Variants in GABRG2 observed in about 807,000 individuals in gnomAD.
GABRG2 encodes the protein gamma-aminobutyric acid receptor subunit gamma-2.
A neutral mutation model predicts 56.4 loss-of-function variants in GABRG2; 16 were observed. The observed-to-expected ratio is 0.28, with a 90% CI of 0.19 to 0.43. The LOEUF (loss-of-function observed/expected upper bound fraction) is 0.43, where lower values mean the gene tolerates loss of function less well. Among genes scored for constraint, GABRG2 ranks in the 20% least tolerant of loss-of-function variants. GABRG2 has a pLI of 1.00. For synonymous variants in GABRG2, 208 were observed against 205.5 expected, an observed-to-expected ratio of 1.01 and a Z score of -0.10; for missense variants, 327 against 582.7, an observed-to-expected ratio of 0.56 and a Z score of 4.52.
intron 7 of GABRG2, among the ~76,000 whole-genome samples, chr5:162,145,167 G>A (rs1308589827): frequency 6.6e-6 from 1 of 152,168 alleles, no homozygotes; most frequent in African/African-American, 2.4e-5. Context: ...ATTTATCCAC[G>A]TTGACTCAGA....
At chr5:162,150,180 A>G (rs1472791287) in intron 8 of GABRG2, 2 of 152,786 alleles carry the variant, frequency 1.3e-5, no homozygotes, top group East Asian at 3.9e-4. Context: ...ATATATATAT[A>G]TGTAGTGTAT....
chr5:162,136,798 A>T (rs1764164180), intron 6 of GABRG2, among the ~76,000 whole-genome samples: 1 of 152,194 alleles, frequency 6.6e-6, no homozygotes, highest in Non-Finnish European at 1.5e-5. Flanking sequence ...AGAATTTTCA[A>T]AAATGTGCCT....
rs561352141 is a variant in GABRG2, at chr5:162,119,363, T to G, written c.769+15337T>G. ...GATAATTTCTGTTTACTTCAAGAGT[T>G]CATAGTTACCCAATGTTGTAATAAT... On this transcript the variant is annotated intron_variant, in intron 6 of 9. Coordinates refer to ENST00000639213, the MANE Select transcript of GABRG2 (RefSeq NM_198904.4). Among the ~76,000 whole-genome samples the G allele has an allele frequency of 4.6e-5, 7 of 152,306 alleles. No individual in the cohort carries two copies. The South Asian group carries it at 1.2e-3, about 27-fold the overall frequency.
At chr5:162,086,715 T>C (rs1398836712) in intron 1 of GABRG2, among the ~76,000 whole-genome samples, 1 of 152,036 alleles carries the variant, frequency 6.6e-6, no homozygotes, top group Non-Finnish European at 1.5e-5. Context: ...ATGTATATAA[T>C]GTCTAGACAT....
intron 5 of GABRG2, chr5:162,102,393 C>T (rs1761492000): frequency 2.4e-6 from 1 of 411,802 alleles, no homozygotes; most frequent in Non-Finnish European, 4.9e-6. Context: ...CTGTTGATTT[C>T]TCTGCCATCA....
chr5:162,069,444 G>A (rs1056950017), intron 1 of GABRG2, among the ~76,000 whole-genome samples: 2 of 152,112 alleles, frequency 1.3e-5, no homozygotes, highest in Admixed American at 6.5e-5. Context: ...AGCTGAAAAG[G>A]ATGGAGGTTA....
At chr5:162,116,939 C>T (rs1762663911) in intron 6 of GABRG2, among the ~76,000 whole-genome samples, 1 of 152,060 alleles carries the variant, frequency 6.6e-6, no homozygotes, top group African/African-American at 2.4e-5. Context: ...TTTCAGATCC[C>T]AAGATCATGT....
At position 162,102,568 on chromosome 5, in the gene GABRG2, G is replaced by T. The variant is rs1047885227; in HGVS notation, c.631+1251G>T. ...GTTTTGGACAGGGTCTCGTTCTATT[G>T]CCCAGGCTGGAATGTGCAGTGGTGT... is the stretch of plus-strand genomic sequence containing the variant. On this transcript the variant is annotated intron_variant, in intron 5 of 9. Coordinates refer to ENST00000639213, the MANE Select transcript of GABRG2 (RefSeq NM_198904.4). The T allele has an allele frequency of 4.4e-6, 2 of 453,998 alleles. No individual in the cohort carries two copies. The highest frequency in any genetic ancestry group is 2.0e-5 in the African/African-American group (1 of 49,920). The allele number at this position is 453,998 out of a possible 1,614,324, so 28.1% of individuals were successfully genotyped here.
chr5:162,116,110 ATGTGTGTGTGTGTG>A (rs34083256), intron 6 of GABRG2, among the ~76,000 whole-genome samples: 2 of 127,226 alleles, frequency 1.6e-5, no homozygotes, highest in East Asian at 2.3e-4. Context: ...GTGTGCGTGC[ATGTGTGTGTGTGTG>A]TGTGTGTGTG....
intron 1 of GABRG2, among the ~76,000 whole-genome samples, chr5:162,074,810 G>A (rs1455704443): frequency 6.6e-6 from 1 of 152,026 alleles, no homozygotes; most frequent in Non-Finnish European, 1.5e-5. Context: ...AGAGAATACA[G>A]GCCAAATTTC....
chr5:162,130,879 C>A (rs1166735848), intron 6 of GABRG2, among the ~76,000 whole-genome samples: 1 of 151,926 alleles, frequency 6.6e-6, no homozygotes, highest in Non-Finnish European at 1.5e-5. Context: ...CCCACTGAGT[C>A]CCCATAGAAG....
At chr5:162,151,861 A>G in intron 9 of GABRG2, 108 bp downstream of exon 9, 1 of 959,810 alleles carries the variant, frequency 1.0e-6, no homozygotes, top group Non-Finnish European at 1.7e-6. Flanking sequence ...TAAGCATTCT[A>G]CTAGAGATAA....
intron 1 of GABRG2, among the ~76,000 whole-genome samples, chr5:162,089,173 G>A (rs374853914): frequency 1.3e-5 from 2 of 152,200 alleles, no homozygotes; most frequent in African/African-American, 4.8e-5. Flanking sequence ...GCAGAGGAAA[G>A]GTTGAAGGCA....
At chr5:162,092,486 A>G (rs1760676393) in intron 1 of GABRG2, among the ~76,000 whole-genome samples, 1 of 152,180 alleles carries the variant, frequency 6.6e-6, no homozygotes, top group South Asian at 2.1e-4. Context: ...TTCTCAAACC[A>G]GATTAATTAC....
chr5:162,073,058 C>A (rs1758802504), intron 1 of GABRG2, among the ~76,000 whole-genome samples: 1 of 151,806 alleles, frequency 6.6e-6, no homozygotes, highest in Non-Finnish European at 1.5e-5. Context: ...TTTTAATATT[C>A]ATGATTCTCT....
At chr5:162,081,364 C>T (rs992375386) in intron 1 of GABRG2, among the ~76,000 whole-genome samples, 4 of 151,868 alleles carry the variant, frequency 2.6e-5, no homozygotes, top group African/African-American at 9.7e-5. Flanking sequence ...CATAATTGAC[C>T]TCTTCGTGTA....
intron 4 of GABRG2, chr5:162,098,998 T>C (rs1761210422): frequency 6.6e-6 from 1 of 152,054 alleles, no homozygotes; most frequent in South Asian, 2.1e-4. Flanking sequence ...GAGCCTGATA[T>C]ATAGTAAATA....
chr5:162,093,414 T>C (rs537747517), intron 1 of GABRG2, among the ~76,000 whole-genome samples: 3 of 152,214 alleles, frequency 2.0e-5, no homozygotes, highest in Middle Eastern at 3.4e-3. Flanking sequence ...CTTTCATTAA[T>C]AAGTTGGGGC....
At chr5:162,111,474 G>T (rs920870373) in intron 6 of GABRG2, among the ~76,000 whole-genome samples, 1 of 152,064 alleles carries the variant, frequency 6.6e-6, no homozygotes, top group Non-Finnish European at 1.5e-5. Flanking sequence ...AAATTGTCTG[G>T]TTTCAAGGTG....
Sources: allele counts gnomAD v4.1 joint callset (sites outside exome capture counted in the v4.1 genomes callset), GRCh38; gene constraint gnomAD v4.1.1; transcripts MANE v1.5; gene names NCBI Gene and HGNC (gene_info 2026-07-23, HGNC 2026-07-21).